FRMD4A: variants seen among roughly 807,000 people sequenced by gnomAD.
FRMD4A encodes the protein FERM domain-containing protein 4A.
A neutral mutation model predicts 129.1 loss-of-function variants in FRMD4A; 29 were observed. The observed-to-expected ratio is 0.22, with a 90% CI of 0.17 to 0.31. The LOEUF (loss-of-function observed/expected upper bound fraction) is 0.31, where lower values mean the gene tolerates loss of function less well. Ranked by LOEUF, FRMD4A falls within the 10% of genes least tolerant of loss-of-function variation. The probability of loss-of-function intolerance (pLI) is 1.00; values close to 1 mark genes in which losing one functional copy is unlikely to be tolerated. For synonymous variants in FRMD4A, 634 were observed against 571.6 expected, an observed-to-expected ratio of 1.11 and a Z score of -1.56; for missense variants, 1,272 against 1,375.8, an observed-to-expected ratio of 0.92 and a Z score of 1.19.
At chr10:14,320,152 C>T (rs987823415) in intron 2 of FRMD4A, among the ~76,000 whole-genome samples, 3 of 152,168 alleles carry the variant, frequency 2.0e-5, no homozygotes, top group African/African-American at 7.2e-5. Context: ...ATGTCCCCAG[C>T]ACACCCTGCC....
At chr10:14,029,846 C>T (rs150362077) in intron 2 of FRMD4A, among the ~76,000 whole-genome samples, 34 of 150,390 alleles carry the variant, frequency 2.3e-4, no homozygotes, top group African/African-American at 8.0e-4. Context: ...TGTTTTTAAT[C>T]GTTTTTGAGT....
chr10:13,992,624 A>G (rs1271529123), intron 2 of FRMD4A, among the ~76,000 whole-genome samples: 3 of 152,250 alleles, frequency 2.0e-5, no homozygotes, highest in Non-Finnish European at 4.4e-5. Context: ...AAAATACAGC[A>G]TAACTATGTT....
At chr10:13,716,461 G>T in intron 12 of FRMD4A, among the ~76,000 whole-genome samples, 1 of 152,198 alleles carries the variant, frequency 6.6e-6, no homozygotes, top group Non-Finnish European at 1.5e-5. Flanking sequence ...TGCACTGAAA[G>T]AGGCATCTAT....
intron 2 of FRMD4A, among the ~76,000 whole-genome samples, chr10:13,931,618 C>G (rs2095195917): frequency 6.6e-6 from 1 of 152,038 alleles, no homozygotes; most frequent in Non-Finnish European, 1.5e-5. Flanking sequence ...TGGGGTGTAA[C>G]TGCCTTTTCT....
At chr10:13,813,223 T>C (rs980962670) in intron 3 of FRMD4A, among the ~76,000 whole-genome samples, 6 of 152,220 alleles carry the variant, frequency 3.9e-5, no homozygotes, top group African/African-American at 1.4e-4. Flanking sequence ...GGTGGGCAGA[T>C]TGCGTGAGGT....
chr10:14,149,800 T>C (rs1840252429), intron 2 of FRMD4A, among the ~76,000 whole-genome samples: 1 of 152,254 alleles, frequency 6.6e-6, no homozygotes, highest in Non-Finnish European at 1.5e-5. Flanking sequence ...GTGTGCTTCA[T>C]GTCCCGAGGT....
chr10:14,128,463 T>G (rs143967696), intron 2 of FRMD4A, among the ~76,000 whole-genome samples: 1 of 152,222 alleles, frequency 6.6e-6, no homozygotes, highest in African/African-American at 2.4e-5. Context: ...TCCACTCAAA[T>G]GTGAAGTTAT....
intron 2 of FRMD4A, among the ~76,000 whole-genome samples, chr10:13,935,544 G>A (rs1324538155): frequency 6.6e-6 from 1 of 151,208 alleles, no homozygotes; most frequent in African/African-American, 2.4e-5. Flanking sequence ...CAATATGTTA[G>A]GTAAAAATAT....
chr10:14,076,834 A>G (rs1835638447), intron 2 of FRMD4A, among the ~76,000 whole-genome samples: 1 of 152,148 alleles, frequency 6.6e-6, no homozygotes, highest in Admixed American at 6.5e-5. Flanking sequence ...GAAATCAACT[A>G]CTTGTGTCAG....
At chr10:14,060,995 T>C (rs1834782095) in intron 2 of FRMD4A, among the ~76,000 whole-genome samples, 1 of 151,304 alleles carries the variant, frequency 6.6e-6, no homozygotes, top group African/African-American at 2.4e-5. Context: ...TTTCCTAATA[T>C]ACTCAGAGCA....
intron 3 of FRMD4A, among the ~76,000 whole-genome samples, chr10:13,813,227 G>T (rs555391171): frequency 6.6e-6 from 1 of 152,234 alleles, no homozygotes; most frequent in African/African-American, 2.4e-5. Flanking sequence ...GGCAGATTGC[G>T]TGAGGTCAGG....
chr10:13,860,726 C>A (rs1465967539), intron 2 of FRMD4A, among the ~76,000 whole-genome samples: 1 of 152,144 alleles, frequency 6.6e-6, no homozygotes, highest in Non-Finnish European at 1.5e-5. Flanking sequence ...AGATGAGACA[C>A]AATCTTGCCT....
intron 3 of FRMD4A, among the ~76,000 whole-genome samples, chr10:13,830,235 C>T (rs1483516682): frequency 6.6e-6 from 1 of 152,206 alleles, no homozygotes; most frequent in South Asian, 2.1e-4. Context: ...CCCTCCTCGG[C>T]CCTCCTTCCC....
intron 2 of FRMD4A, among the ~76,000 whole-genome samples, chr10:14,322,140 G>A (rs1018443255): frequency 3.3e-5 from 5 of 152,124 alleles, no homozygotes; most frequent in Non-Finnish European, 1.5e-5. Context: ...AGCAATGCAA[G>A]AATGAACTAC....
chr10:14,181,396 G>C (rs1022251476), intron 2 of FRMD4A, among the ~76,000 whole-genome samples: 8 of 152,202 alleles, frequency 5.3e-5, no homozygotes, highest in Non-Finnish European at 1.0e-4. Flanking sequence ...TTGCTCAGAA[G>C]ACCTCTGGGA....
chr10:13,692,492 A>G (rs999592557), intron 15 of FRMD4A: 10 of 152,226 alleles, frequency 6.6e-5, no homozygotes, highest in African/African-American at 2.4e-4. Flanking sequence ...TTATGTTCAC[A>G]GATTTTATAA....
At chr10:14,048,872 G>A (rs1420251044) in intron 2 of FRMD4A, among the ~76,000 whole-genome samples, 3 of 118,856 alleles carry the variant, frequency 2.5e-5, no homozygotes, top group African/African-American at 1.1e-4. Context: ...GAATAGAATA[G>A]AATAGAATAG....
chr10:13,676,756 A>G (rs946079610), intron 15 of FRMD4A, among the ~76,000 whole-genome samples: 2 of 152,212 alleles, frequency 1.3e-5, no homozygotes, highest in African/African-American at 4.8e-5. Flanking sequence ...AAACTGTCCT[A>G]AAGACCTAAA....
At chr10:13,659,562 G>C in intron 20 of FRMD4A, 72 bp from the exon 21 acceptor site, 1 of 1,448,658 alleles carries the variant, frequency 6.9e-7, no homozygotes, top group Non-Finnish European at 9.5e-7. Flanking sequence ...GGCTAGTTCA[G>C]GACAATGATC....
Sources: allele counts gnomAD v4.1 joint callset (sites outside exome capture counted in the v4.1 genomes callset), GRCh38; gene constraint gnomAD v4.1.1; transcripts MANE v1.5; gene names NCBI Gene and HGNC (gene_info 2026-07-23, HGNC 2026-07-21).